LCOR: variants seen among roughly 807,000 people sequenced by gnomAD.
LCOR encodes ligand dependent nuclear receptor corepressor.
Under a neutral mutation model 64.4 loss-of-function variants are expected in LCOR, and 14 were observed. That is an observed-to-expected ratio of 0.22 (90% CI 0.14 to 0.34). The LOEUF is 0.34. Among genes scored for constraint, LCOR ranks in the 10% least tolerant of loss-of-function variants. The pLI, the probability that LCOR is intolerant of heterozygous loss-of-function variation, is 1.00. For missense variants in LCOR, 1,686 were observed against 1,765.3 expected (o/e 0.96, Z 0.80); for synonymous variants, 643 against 642.5 (o/e 1.00, Z -0.01).
intron 7 of LCOR, chr10:96,957,080 T>C (rs977459884): frequency 3.0e-6 from 3 of 985,210 alleles, no homozygotes; most frequent in Admixed American, 6.2e-5. Context: ...ATATCAGTTC[T>C]AACAATTCAA....
At chr10:96,958,286 G>C in intron 7 of LCOR, 1 of 1,404,300 alleles carries the variant, frequency 7.1e-7, no homozygotes, top group Non-Finnish European at 9.3e-7. Flanking sequence ...TTATTGTTCA[G>C]AGAGGTTTAA....
chr10:96,981,831 G>A lies in LCOR; in HGVS notation c.1371G>A (p.Arg457=), dbSNP rs137886867. 1.9e-4 allele frequency: 312 copies of A among 1,614,176 alleles called. No individual in the cohort carries two copies. In the East Asian group the frequency reaches 5.8e-3, roughly 30 times the overall value. ...TCAAGACAGCTCGGAAAAGTAAAAG[G>A]GCATCAGGGCTGAGGATAAATGATT... The part of the protein sequence containing the change: ...TSIKTARKSK[R]ASGLRINDYD... Residue 457 remains arginine (R), a synonymous_variant, in exon 8 of 8, where the codon AGG becomes AGA. Coordinates refer to ENST00000421806, the MANE Select transcript of LCOR (RefSeq NM_001346516.2).
At chr10:96,958,138 G>T in intron 7 of LCOR, 1 of 1,206,324 alleles carries the variant, frequency 8.3e-7, no homozygotes, top group African/African-American at 1.5e-5. Context: ...CGTAATGTTT[G>T]GGATATTCAG....
chr10:96,980,162 C>CA lies in LCOR; in HGVS notation c.333-619dup, dbSNP rs5787211. 4.4e-3 allele frequency among the ~76,000 whole-genome samples: 637 copies of CA among 145,458 alleles called. 1 individual carries two copies. The highest frequency in any genetic ancestry group is 6.3e-3 in the Non-Finnish European group (412 of 65,020). On this transcript the variant is annotated intron_variant, in intron 7 of 7. Transcript: ENST00000421806. Reference sequence around the variant, plus strand: ...GTCTCCATTAAAAAACAAAACAAAACAAAAAAAAAAAACTGTAAGTTCTGT... The same window carrying CA: ...GTCTCCATTAAAAAACAAAACAAAACAAAAAAAAAAAAACTGTAAGTTCTGT...
At chr10:96,879,119 A>T (rs1398176690) in intron 2 of LCOR, among the ~76,000 whole-genome samples, 1 of 152,168 alleles carries the variant, frequency 6.6e-6, no homozygotes, top group Admixed American at 6.6e-5. Context: ...TCCATTTAAG[A>T]TGTGTATATA....
Position 96,896,807 on chromosome 10 carries a change from C to T in LCOR, c.-329-10458C>T, listed in dbSNP as rs186647298. Reference sequence around the variant, plus strand: ...GAATCTCCTAATAGTATAAAGCTCCCGCAAGCATGCTAGGTCTAGGTTGGG... The same window carrying T: ...GAATCTCCTAATAGTATAAAGCTCCTGCAAGCATGCTAGGTCTAGGTTGGG... On this transcript the variant is annotated intron_variant, in intron 2 of 7. Transcript: ENST00000421806. Among the ~76,000 whole-genome samples the T allele has an allele frequency of 9.2e-5, 14 of 152,108 alleles. 1 individual carries two copies. Among genetic ancestry groups the T allele is most frequent in the East Asian group, 3.9e-4 (2 of 5,180 alleles).
chr10:96,982,341 G>A lies in LCOR; in HGVS notation c.1881G>A (p.Glu627=). The change falls in exon 8 of 8, where the codon GAG becomes GAA. Residue 627 remains glutamate, a synonymous_variant. Coordinates refer to ENST00000421806, the MANE Select transcript of LCOR (RefSeq NM_001346516.2). ...CTCTCCCTGCTCACCTTCCTGAAGA[G>A]GACCTGCCAGAAGGTGGCTCCACAG... The part of the protein sequence containing the change: ...VWPLPAHLPE[E]DLPEGGSTVS... 6.2e-7 allele frequency: 1 copy of A among 1,614,196 alleles called. No individual in the cohort carries two copies. Among genetic ancestry groups the A allele is most frequent in the Non-Finnish European group, 8.5e-7 (1 of 1,180,026 alleles).
rs549004275 is a variant in LCOR, at chr10:96,944,100, A to C, written c.-183-13A>C. 2.5e-5 allele frequency: 25 copies of C among 985,642 alleles called. No homozygotes were observed. Among genetic ancestry groups the C allele is most frequent in the Non-Finnish European group, 3.0e-5 (25 of 829,884 alleles). 61.1% of individuals were successfully genotyped at this position (985,642 alleles called of 1,614,324 possible). ...AGACGTGTGTGCAACTATTTCACCA[A>C]GTATTTTTGCAGGGACACTTAGTCG... On this transcript the variant is annotated splice_polypyrimidine_tract_variant and intron_variant, in intron 4 of 7. Coordinates refer to ENST00000421806, the MANE Select transcript of LCOR (RefSeq NM_001346516.2).
intron 7 of LCOR, chr10:96,956,890 A>G (rs921121722): frequency 1.0e-6 from 1 of 985,040 alleles, no homozygotes; most frequent in Admixed American, 6.1e-5. Flanking sequence ...GATATTCAAG[A>G]TCTCTTTATT....
At chr10:96,940,303 A>ATTTTTTTTTT (rs552752409) in intron 4 of LCOR, among the ~76,000 whole-genome samples, 2 of 65,422 alleles carry the variant, frequency 3.1e-5, no homozygotes, top group Admixed American at 2.1e-4. Flanking sequence ...GGTGGTCATG[A>ATTTTTTTTTT]TTTTTTTTTT....
At chr10:96,948,952 G>A (rs1024168215) in intron 5 of LCOR, 56 bp from the exon 6 acceptor site, 2 of 1,283,100 alleles carry the variant, frequency 1.6e-6, no homozygotes, top group African/African-American at 1.5e-5. Context: ...TTACTTGAAA[G>A]CTGTCTTTTT....
At chr10:96,838,335 T>C (rs763578590) in intron 2 of LCOR, among the ~76,000 whole-genome samples, 2 of 152,204 alleles carry the variant, frequency 1.3e-5, no homozygotes, top group Non-Finnish European at 2.9e-5. Context: ...TTGCCCAGGC[T>C]GGTCTTGAAC....
At chr10:96,856,752 C>A (rs567110373) in intron 2 of LCOR, among the ~76,000 whole-genome samples, 2 of 151,368 alleles carry the variant, frequency 1.3e-5, no homozygotes, top group East Asian at 3.9e-4. Flanking sequence ...GCTGGAATTA[C>A]AGGTGTGAGC....
At chr10:96,962,373 G>A (rs1466035572) in intron 7 of LCOR, 2 of 152,018 alleles carry the variant, frequency 1.3e-5, no homozygotes, top group Non-Finnish European at 2.9e-5. Flanking sequence ...TAGAATCTTT[G>A]GCTGAAATTC....
At chr10:96,886,669 CTTAT>C in intron 2 of LCOR, among the ~76,000 whole-genome samples, 2 of 146,818 alleles carry the variant, frequency 1.4e-5, no homozygotes, top group East Asian at 3.9e-4. Flanking sequence ...ATGGCATGAC[CTTAT>C]ACTTACTCAA....
chr10:96,836,842 G>A (rs533103176), intron 2 of LCOR, among the ~76,000 whole-genome samples: 5 of 152,190 alleles, frequency 3.3e-5, no homozygotes, highest in South Asian at 2.1e-4. Flanking sequence ...TGCAAAGGTA[G>A]GTTGTAGGAT....
At position 96,982,495 on chromosome 10, in the gene LCOR, G is replaced by A. The variant is rs139771197; in HGVS notation, c.2035G>A (p.Gly679Arg). The change falls in exon 8 of 8, where the codon GGG (glycine) becomes AGG (arginine). Residue 679 changes from glycine (G) to arginine (R), a missense_variant. Gly to Arg is a moderately radical substitution (Grantham distance 125). Around this residue, in one of 3 missense-constraint regions of LCOR, gnomAD observed 1,293 missense variants for 1,410.4 expected, o/e 0.92. Transcript: ENST00000421806. The stretch of plus-strand genomic sequence containing the variant: ...CCTTCCCTCCACTGAAAGCTTTTCC[G>A]GGGGAGTCAGTGAAGATGTCATTTC... ...HLLPSTESFS[G>R]GVSEDVISRP... The A allele has an allele frequency of 6.6e-5, 107 of 1,614,046 alleles. No homozygotes were observed. Among genetic ancestry groups the A allele is most frequent in the Non-Finnish European group, 4.4e-5 (52 of 1,180,046 alleles).
intron 2 of LCOR, among the ~76,000 whole-genome samples, chr10:96,864,567 A>G (rs1845939679): frequency 6.6e-6 from 1 of 152,242 alleles, no homozygotes; most frequent in African/African-American, 2.4e-5. Context: ...CATCAGTTAC[A>G]CAAGGAACCA....
chr10:96,920,470 G>GTA (rs1459800854), intron 4 of LCOR, among the ~76,000 whole-genome samples: 3 of 135,460 alleles, frequency 2.2e-5, no homozygotes, highest in Non-Finnish European at 3.1e-5. Context: ...TCATATATGT[G>GTA]TATATATATG....
Sources: allele counts gnomAD v4.1 joint callset (sites outside exome capture counted in the v4.1 genomes callset), GRCh38; gene constraint gnomAD v4.1.1; regional missense constraint gnomAD v4.1.1; transcripts MANE v1.5; gene names NCBI Gene and HGNC (gene_info 2026-07-23, HGNC 2026-07-21).